Variants in SCAMP4 observed in about 807,000 individuals in gnomAD.
SCAMP4 encodes secretory carrier membrane protein 4, also known as secretory carrier-associated membrane protein 4.
Under a neutral mutation model 32.1 loss-of-function variants are expected in SCAMP4, and 19 were observed. The ratio of observed to expected loss-of-function variants is 0.59; its 90% confidence interval spans 0.41 to 0.87. The LOEUF is 0.87. SCAMP4 is among the 40% of genes least tolerant of loss of function. The pLI, the probability that SCAMP4 is intolerant of heterozygous loss-of-function variation, is 0.00. For synonymous variants in SCAMP4, 152 were observed against 132.7 expected, an observed-to-expected ratio of 1.15 and a Z score of -1.00; for missense variants, 302 against 309.0, an observed-to-expected ratio of 0.98 and a Z score of 0.17.
chr19:1,922,012 G>A lies in SCAMP4; in HGVS notation c.396-1058G>A, dbSNP rs888621026. ...ACACATCCGGGGGTGTGGGTCCTGC[G>A]GGCTGCCTGTGCACCAGGGAGGGGA... On this transcript the variant is annotated intron_variant, in intron 5 of 6. Coordinates refer to ENST00000316097, the MANE Select transcript of SCAMP4 (RefSeq NM_079834.4). 13 of 985,436 alleles carry A rather than the reference G, an allele frequency of 1.3e-5. No individual in the cohort carries two copies. In the East Asian group the frequency reaches 3.4e-4, roughly 26 times the overall value. 61.0% of individuals were successfully genotyped at this position (985,436 alleles called of 1,614,324 possible).
In SCAMP4 at chr19:1,919,099, C is replaced by T. The variant is rs1215610369; in HGVS notation, c.395+109C>T. On this transcript the variant is annotated intron_variant, in intron 5 of 6. Transcript: ENST00000316097. ...CGGAGCGTGCTGGTCCGGGATTGTA[C>T]GCGCTCTCCTAGGGAGGGGTCTGAG... is the stretch of plus-strand genomic sequence containing the variant. 4.2e-5 allele frequency: 65 copies of T among 1,534,610 alleles called. 1 individual carries two copies. In the South Asian group the frequency reaches 6.3e-4, roughly 15 times the overall value.
At chr19:1,916,346 G>T (rs1202239276) in intron 2 of SCAMP4, among the ~76,000 whole-genome samples, 1 of 152,204 alleles carries the variant, frequency 6.6e-6, no homozygotes, top group Non-Finnish European at 1.5e-5. Context: ...CCCAGAAGCT[G>T]CTTGAGAGAG....
chr19:1,915,757 TAA>T (rs2013710827), intron 2 of SCAMP4, among the ~76,000 whole-genome samples: 1 of 150,020 alleles, frequency 6.7e-6, no homozygotes, highest in African/African-American at 2.5e-5. Context: ...CCATCCTGGC[TAA>T]CACGGTGAAA....
chr19:1,917,346 T>G (rs898128809), intron 2 of SCAMP4, among the ~76,000 whole-genome samples: 3 of 152,188 alleles, frequency 2.0e-5, no homozygotes, highest in African/African-American at 4.8e-5. Context: ...AACAGTGAAA[T>G]CAGTTATCTG....
Position 1,924,308 on chromosome 19 carries a change from G to T in SCAMP4, c.*24G>T, listed in dbSNP as rs370175173. Reference sequence around the variant, plus strand: ...AGAGGGAGCCTGCCCTGCCCCCACCGCCCACCACCTCCTCCCCTTCATTCC... The same window carrying T: ...AGAGGGAGCCTGCCCTGCCCCCACCTCCCACCACCTCCTCCCCTTCATTCC... On this transcript the variant is annotated 3_prime_UTR_variant, in exon 7 of 7. Coordinates refer to ENST00000316097, the MANE Select transcript of SCAMP4 (RefSeq NM_079834.4). 1.1e-5 allele frequency: 17 copies of T among 1,553,510 alleles called. No homozygotes were observed. The highest frequency in any genetic ancestry group is 1.5e-5 in the Non-Finnish European group (17 of 1,148,652).
rs564283350 is a variant in SCAMP4 at position 1,913,060 on chromosome 19, G to A, written c.-41-1919G>A. Reference sequence around the variant, plus strand: ...GACGGCGCCCTGGGCACCCGCTTCCGCATCCACGCACGGCCCGACCTCAAC... The same window carrying A: ...GACGGCGCCCTGGGCACCCGCTTCCACATCCACGCACGGCCCGACCTCAAC... On this transcript the variant is annotated intron_variant, in intron 1 of 6. Coordinates refer to ENST00000316097, the MANE Select transcript of SCAMP4 (RefSeq NM_079834.4). 2.9e-5 allele frequency: 46 copies of A among 1,602,832 alleles called. No homozygotes were observed. In the Admixed American group the frequency reaches 5.2e-4, roughly 18 times the overall value.
chr19:1,913,236 C>T, intron 1 of SCAMP4: 2 of 1,443,046 alleles, frequency 1.4e-6, no homozygotes, highest in Non-Finnish European at 1.8e-6. Flanking sequence ...TTCTTCCGCA[C>T]AAGCCTGACC....
At chr19:1,923,813 G>A (rs1207282849) in intron 6 of SCAMP4, among the ~76,000 whole-genome samples, 1 of 137,490 alleles carries the variant, frequency 7.3e-6, no homozygotes, top group Non-Finnish European at 1.5e-5. Flanking sequence ...TTTTGGTAGA[G>A]ACAGGTTTTC....
intron 1 of SCAMP4, chr19:1,913,052 C>T: frequency 6.2e-6 from 10 of 1,603,404 alleles, no homozygotes; most frequent in Non-Finnish European, 7.6e-6. Flanking sequence ...CCCTGGGCAC[C>T]CGCTTCCGCA....
chr19:1,923,614 G>GCT (rs2013988769), intron 6 of SCAMP4, among the ~76,000 whole-genome samples: 2 of 44,128 alleles, frequency 4.5e-5, no homozygotes, highest in East Asian at 8.3e-4. Context: ...ACAGCAAAAT[G>GCT]CTTTTTTTTT....
chr19:1,924,194 G>A lies in SCAMP4; in HGVS notation c.600G>A (p.Ser200=), dbSNP rs374121177. Residue 200 remains serine (S), a synonymous_variant, in exon 7 of 7, where the codon TCG becomes TCA. Transcript: ENST00000316097. ...CGGGCACTTGGCGGAACCCACCGTCGAGGGAGGCCCAGTACAACAACTTCT... is the reference window on the plus strand; with the variant it reads ...CGGGCACTTGGCGGAACCCACCGTCAAGGGAGGCCCAGTACAACAACTTCT... ...WNTGTWRNPP[S]REAQYNNFSG... is the part of the protein sequence containing the mutation. 174 of 1,610,354 alleles carry A rather than the reference G, an allele frequency of 1.1e-4. No individual in the cohort carries two copies. The highest frequency in any genetic ancestry group is 1.9e-4 in the South Asian group (17 of 90,378).
At chr19:1,912,453 C>T (rs1399734244) in intron 1 of SCAMP4, 5 of 1,506,918 alleles carry the variant, frequency 3.3e-6, no homozygotes, top group Non-Finnish European at 4.4e-6. Flanking sequence ...CCCCCGCGGC[C>T]TGGGGCAACC....
chr19:1,924,147 A>G lies in SCAMP4; in HGVS notation c.553A>G (p.Lys185Glu). Residue 185 changes from lysine (K) to glutamate (E), a missense_variant, in exon 7 of 7, where the codon AAG (lysine) becomes GAG (glutamate). Lys to Glu is a moderately conservative substitution (Grantham distance 56, BLOSUM62 1). Coordinates refer to ENST00000316097, the MANE Select transcript of SCAMP4 (RefSeq NM_079834.4). ...CCGAGGGGCTGGCGGAAGCTTCCAG[A>G]AGGCACAGACGGAGTGGAACACGGG... ...IYRGAGGSFQ[K>E]AQTEWNTGTW... 1.9e-6 allele frequency: 3 copies of G among 1,611,616 alleles called. No homozygotes were observed. The highest frequency in any genetic ancestry group is 2.5e-6 in the Non-Finnish European group (3 of 1,179,104).
In SCAMP4 at chr19:1,914,825, A is replaced by C. The variant is rs191381514; in HGVS notation, c.-41-154A>C. 3.3e-5 allele frequency among the ~76,000 whole-genome samples: 5 copies of C among 152,208 alleles called. No individual in the cohort carries two copies. The East Asian group carries it at 9.7e-4, about 29-fold the overall frequency. ...GGGAGGGGGACCTGTGGGGTAACACATTGGGTCGAGTCAGGCCTGTGGCTC... is the reference window on the plus strand; with the variant it reads ...GGGAGGGGGACCTGTGGGGTAACACCTTGGGTCGAGTCAGGCCTGTGGCTC... On this transcript the variant is annotated intron_variant, in intron 1 of 6. Transcript: ENST00000316097.
intron 5 of SCAMP4, chr19:1,921,139 T>C (rs2013907231): frequency 1.0e-6 from 1 of 985,304 alleles, no homozygotes; most frequent in South Asian, 4.7e-5. Context: ...CCACGCTCAG[T>C]GCGCTGCTGT....
chr19:1,919,018 G>C lies in SCAMP4; in HGVS notation c.395+28G>C, dbSNP rs1283704435. The C allele has an allele frequency of 3.8e-6, 6 of 1,580,360 alleles. No individual in the cohort carries two copies. In the South Asian group the frequency reaches 6.9e-5, roughly 18 times the overall value. The stretch of plus-strand genomic sequence containing the variant: ...AAGCCTCTCTCTGATGGGCGTGGTG[G>C]CTGTGATGTGGCTCAGCTGCCAGGT... On this transcript the variant is annotated intron_variant, in intron 5 of 6. Coordinates refer to ENST00000316097, the MANE Select transcript of SCAMP4 (RefSeq NM_079834.4).
chr19:1,917,813 C>T lies in SCAMP4; in HGVS notation c.127C>T (p.Leu43=). Residue 43 remains leucine, a synonymous_variant, in exon 3 of 7, where the codon CTG becomes TTG. Transcript: ENST00000316097. The part of the protein sequence containing the change: ...HQVLVKRIYR[L]WMFYCATLGV... ...GGTCCTGGTGAAGAGGATCTACCGG[C>T]TGTGGATGTGTGAGTGCGCCTGGGG... The T allele has an allele frequency of 6.2e-7, 1 of 1,614,008 alleles. No homozygotes were observed.
At chr19:1,915,414 C>T (rs1024453057) in intron 2 of SCAMP4, 4 of 269,960 alleles carry the variant, frequency 1.5e-5, no homozygotes, top group Admixed American at 9.9e-5. Context: ...TGTCTGACTC[C>T]CCATCTGGCC....
In SCAMP4 at chr19:1,922,063, G is replaced by C. The variant is rs1246548188; in HGVS notation, c.396-1007G>C. 6.1e-6 allele frequency: 6 copies of C among 985,336 alleles called. No individual in the cohort carries two copies. The African/African-American group carries it at 8.7e-5, about 14-fold the overall frequency. 61.0% of individuals were successfully genotyped at this position (985,336 alleles called of 1,614,324 possible). On this transcript the variant is annotated intron_variant, in intron 5 of 6. Coordinates refer to ENST00000316097, the MANE Select transcript of SCAMP4 (RefSeq NM_079834.4). The stretch of plus-strand genomic sequence containing the variant: ...GTCAGCAGGAGAGAGACTGTACGTC[G>C]TGCCTGCCTTTAAGTTCCCTGAATT...
Sources: allele counts gnomAD v4.1 joint callset (sites outside exome capture counted in the v4.1 genomes callset), GRCh38; gene constraint gnomAD v4.1.1; transcripts MANE v1.5; gene names NCBI Gene and HGNC (gene_info 2026-07-23, HGNC 2026-07-21).